NCKAP5: variants seen among roughly 807,000 people sequenced by gnomAD.
NCKAP5 encodes the protein NCK associated protein 5, also known as nck-associated protein 5.
A neutral mutation model predicts 167.0 loss-of-function variants in NCKAP5; 92 were observed. That is an observed-to-expected ratio of 0.55 (90% CI 0.47 to 0.66). NCKAP5 has a LOEUF of 0.66. Among genes scored for constraint, NCKAP5 ranks in the 30% least tolerant of loss-of-function variants. NCKAP5 has a pLI of 0.00. For synonymous variants in NCKAP5, 891 were observed against 877.4 expected (o/e 1.02, Z -0.27); for missense variants, 2,378 against 2,315.0 (o/e 1.03, Z -0.56).
chr2:132,798,726 G>T (rs1410144718), intron 11 of NCKAP5, among the ~76,000 whole-genome samples: 1 of 152,188 alleles, frequency 6.6e-6, no homozygotes, highest in Non-Finnish European at 1.5e-5. Flanking sequence ...ATGGGAGAAA[G>T]GAGAGGTCCT....
chr2:133,649,668 G>A, the NCKAP5 span, among the ~76,000 whole-genome samples: 5 of 152,026 alleles, frequency 3.3e-5, no homozygotes, highest in Admixed American at 2.6e-4. Context: ...TATAGAAAAA[G>A]CATTTGGCAA....
At chr2:132,855,944 C>T (rs1458910811) in intron 11 of NCKAP5, among the ~76,000 whole-genome samples, 1 of 152,102 alleles carries the variant, frequency 6.6e-6, no homozygotes, top group African/African-American at 2.4e-5. Context: ...GCAGGTGGAT[C>T]ACAAGGTCAG....
At chr2:133,126,517 G>A (rs1194240829) in intron 6 of NCKAP5, among the ~76,000 whole-genome samples, 1 of 152,086 alleles carries the variant, frequency 6.6e-6, no homozygotes, top group Non-Finnish European at 1.5e-5. Flanking sequence ...CCATATATTA[G>A]GAAATTGAAA....
At chr2:132,907,909 A>T (rs1035474181) in intron 8 of NCKAP5, among the ~76,000 whole-genome samples, 4 of 152,018 alleles carry the variant, frequency 2.6e-5, no homozygotes, top group African/African-American at 9.7e-5. Flanking sequence ...CTCCTGCCTC[A>T]TCCTCCCAAA....
At chr2:132,901,512 T>A (rs1002765144) in intron 8 of NCKAP5, among the ~76,000 whole-genome samples, 2 of 152,212 alleles carry the variant, frequency 1.3e-5, no homozygotes, top group South Asian at 2.1e-4. Flanking sequence ...CACATTTGGA[T>A]GCTAATTAGC....
At chr2:133,137,088 A>C (rs1443307208) in intron 5 of NCKAP5, among the ~76,000 whole-genome samples, 1 of 152,224 alleles carries the variant, frequency 6.6e-6, no homozygotes, top group Non-Finnish European at 1.5e-5. Flanking sequence ...ATCTAAATTA[A>C]GCTATAGTTA....
intron 19 of NCKAP5, among the ~76,000 whole-genome samples, chr2:132,708,229 C>G (rs1688541258): frequency 6.6e-6 from 1 of 152,068 alleles, no homozygotes; most frequent in South Asian, 2.1e-4. Flanking sequence ...AGGTTGGCCA[C>G]AGTGGGGTAG....
chr2:132,938,339 A>C (rs373506703), intron 8 of NCKAP5, among the ~76,000 whole-genome samples: 20 of 152,340 alleles, frequency 1.3e-4, no homozygotes, highest in African/African-American at 3.1e-4. Context: ...TTTCCCAAAA[A>C]TTATTTGAGA....
At chr2:132,996,442 A>T (rs2077602066) in intron 6 of NCKAP5, among the ~76,000 whole-genome samples, 1 of 152,188 alleles carries the variant, frequency 6.6e-6, no homozygotes, top group African/African-American at 2.4e-5. Flanking sequence ...TATGCTGGTG[A>T]TACTTCTTAG....
chr2:133,564,157 G>A (rs532679565), intron 1 of NCKAP5, among the ~76,000 whole-genome samples: 96 of 152,050 alleles, frequency 6.3e-4, no homozygotes, highest in Middle Eastern at 3.4e-3. Flanking sequence ...AGTACGTGCT[G>A]TGGGTTCAAA....
At chr2:132,938,504 C>T (rs1697024594) in intron 8 of NCKAP5, among the ~76,000 whole-genome samples, 1 of 152,142 alleles carries the variant, frequency 6.6e-6, no homozygotes, top group Non-Finnish European at 1.5e-5. Context: ...ACTGGCTGGC[C>T]ATGTCATCTC....
At position 132,773,534 on chromosome 2, in the gene NCKAP5, A is replaced by G. The variant is rs564433053; in HGVS notation, c.5128+282T>C. Among the ~76,000 whole-genome samples the G allele has an allele frequency of 4.6e-5, 7 of 152,358 alleles. No homozygotes were observed. The South Asian group carries it at 1.4e-3, about 32-fold the overall frequency. ...CTAGGTGTTCTTGAGATAATTATAG[A>G]AACTGGATTACTCAGTATCACTTTC... On this transcript the variant is annotated intron_variant, in intron 16 of 19. Transcript: ENST00000409261.
intron 3 of NCKAP5, among the ~76,000 whole-genome samples, chr2:133,465,148 T>TCCCTCCC (rs1692473824): frequency 9.6e-6 from 1 of 103,994 alleles, no homozygotes; most frequent in Non-Finnish European, 1.9e-5. Flanking sequence ...CCCAGTGCTA[T>TCCCTCCC]CCCTCCCCCC....
chr2:132,897,455 T>C (rs1693293094), intron 8 of NCKAP5, among the ~76,000 whole-genome samples: 1 of 152,224 alleles, frequency 6.6e-6, no homozygotes. Context: ...AGTACTTGAG[T>C]GTATTTAACA....
intron 16 of NCKAP5, among the ~76,000 whole-genome samples, chr2:132,762,386 G>T (rs746889186): frequency 5.3e-5 from 8 of 152,174 alleles, no homozygotes; most frequent in Non-Finnish European, 1.0e-4. Flanking sequence ...TATGCCATAA[G>T]TTACAAACAC....
chr2:133,211,788 C>T (rs190552302), intron 5 of NCKAP5, among the ~76,000 whole-genome samples: 1 of 152,102 alleles, frequency 6.6e-6, no homozygotes, highest in Admixed American at 6.5e-5. Context: ...ATGAAACATT[C>T]GTAACTTTTC....
At position 132,783,704 on chromosome 2, in the gene NCKAP5, G is replaced by A; in HGVS notation, c.3107C>T (p.Pro1036Leu). The A allele has an allele frequency of 1.2e-6, 2 of 1,613,574 alleles. No individual in the cohort carries two copies. The highest frequency in any genetic ancestry group is 8.5e-7 in the Non-Finnish European group (1 of 1,179,722). ...ACCTCTCTTCGGAGAGACCTTTGGA[G>A]GCCCCAGAGCCATTACGGTGAAGGA... ...SSSFTVMALG[P>L]PKVSPKRGVP... Residue 1036 changes from proline (P) to leucine (L), a missense_variant, in exon 14 of 20, where the codon CCT becomes CTT. Coordinates refer to ENST00000409261, the MANE Select transcript of NCKAP5 (RefSeq NM_207363.3).
intron 4 of NCKAP5, among the ~76,000 whole-genome samples, chr2:133,229,157 C>T (rs997328942): frequency 6.6e-6 from 1 of 151,990 alleles, no homozygotes; most frequent in Non-Finnish European, 1.5e-5. Flanking sequence ...GGTGGGCAAA[C>T]AACAGGAAAT....
At chr2:133,025,246 G>T (rs1354619513) in intron 6 of NCKAP5, among the ~76,000 whole-genome samples, 2 of 152,158 alleles carry the variant, frequency 1.3e-5, no homozygotes, top group Non-Finnish European at 2.9e-5. Context: ...TGGGGAAAAT[G>T]ATTTCCAGTA....
Sources: allele counts gnomAD v4.1 joint callset (sites outside exome capture counted in the v4.1 genomes callset), GRCh38; gene constraint gnomAD v4.1.1; transcripts MANE v1.5; gene names NCBI Gene and HGNC (gene_info 2026-07-23, HGNC 2026-07-21).